The following FSTL5 variants were observed in gnomAD, a reference collection of about 807,000 sequenced individuals.
The protein encoded by FSTL5 is follistatin-related protein 5.
Under a neutral mutation model 89.1 loss-of-function variants are expected in FSTL5, and 62 were observed. That is an observed-to-expected ratio of 0.70 (90% CI 0.57 to 0.86). The LOEUF is 0.86. FSTL5 is among the 40% of genes least tolerant of loss of function. FSTL5 has a pLI of 0.00. For synonymous variants in FSTL5, 383 were observed against 346.2 expected, an observed-to-expected ratio of 1.11 and a Z score of -1.18; for missense variants, 1,057 against 1,001.6, an observed-to-expected ratio of 1.06 and a Z score of -0.75.
intron 12 of FSTL5, among the ~76,000 whole-genome samples, chr4:161,494,621 C>T (rs1730002009): frequency 6.6e-6 from 1 of 152,106 alleles, no homozygotes. Context: ...AGACTGGTAA[C>T]AGTAGTTTAT....
intron 8 of FSTL5, among the ~76,000 whole-genome samples, chr4:161,557,896 AGTTATATAAACTGAACCTTAAG>A: frequency 6.6e-6 from 1 of 151,910 alleles, no homozygotes; most frequent in Admixed American, 6.6e-5. Context: ...TGCTCATATA[AGTTATATAAACTGAACCTTAAG>A]GTTCAGTCAT....
At chr4:161,583,955 T>A (rs913729178) in intron 8 of FSTL5, among the ~76,000 whole-genome samples, 3 of 152,124 alleles carry the variant, frequency 2.0e-5, no homozygotes, top group Non-Finnish European at 4.4e-5. Context: ...CACTCCCTTG[T>A]AAACTTATTT....
chr4:161,499,210 A>G (rs1222188134), intron 12 of FSTL5, among the ~76,000 whole-genome samples: 2 of 152,194 alleles, frequency 1.3e-5, no homozygotes, highest in African/African-American at 4.8e-5. Flanking sequence ...TTAAAATAAA[A>G]TAAAATAAAA....
chr4:161,957,171 T>A (rs1323050176), intron 3 of FSTL5, among the ~76,000 whole-genome samples: 1 of 151,986 alleles, frequency 6.6e-6, no homozygotes. Context: ...AAATACATGG[T>A]TGGGATTTAA....
chr4:161,564,302 A>G (rs1361928423), intron 8 of FSTL5, among the ~76,000 whole-genome samples: 1 of 150,986 alleles, frequency 6.6e-6, no homozygotes, highest in Non-Finnish European at 1.5e-5. Flanking sequence ...ACCTGATCCT[A>G]TAATAAAATA....
intron 1 of FSTL5, among the ~76,000 whole-genome samples, chr4:162,158,912 A>C (rs1733586790): frequency 6.6e-6 from 1 of 152,106 alleles, no homozygotes; most frequent in South Asian, 2.1e-4. Context: ...ATTATGAAGC[A>C]ACAAATGTCT....
At chr4:161,705,774 TA>T (rs142961305) in intron 6 of FSTL5, among the ~76,000 whole-genome samples, 1 of 150,784 alleles carries the variant, frequency 6.6e-6, no homozygotes, top group East Asian at 2.0e-4. Flanking sequence ...TTCATCATTA[TA>T]AAATATTTTA....
intron 3 of FSTL5, among the ~76,000 whole-genome samples, chr4:161,946,624 A>G (rs2110939175): frequency 6.6e-6 from 1 of 152,282 alleles, no homozygotes; most frequent in Non-Finnish European, 1.5e-5. Context: ...GACAACATCA[A>G]TATCTGCTTA....
Position 161,834,991 on chromosome 4 carries a change from C to T in FSTL5, c.410-58917G>A, listed in dbSNP as rs1477467610. On this transcript the variant is annotated intron_variant, in intron 4 of 15. Transcript: ENST00000306100. ...TGACACCAAAAAAGAGCCTGCATCG[C>T]CAAGTCAATCCTAAGCCAAAAGAAC... Among the ~76,000 whole-genome samples, 2 of 145,894 alleles carry T rather than the reference C, an allele frequency of 1.4e-5. 1 individual carries two copies. The highest frequency in any genetic ancestry group is 3.0e-5 in the Non-Finnish European group (2 of 66,678).
intron 6 of FSTL5, among the ~76,000 whole-genome samples, chr4:161,706,815 T>C (rs948277885): frequency 6.6e-6 from 1 of 152,054 alleles, no homozygotes; most frequent in South Asian, 2.1e-4. Flanking sequence ...GATTAGTTAA[T>C]ATCATATTTC....
At chr4:161,614,243 T>A (rs1028700479) in intron 7 of FSTL5, among the ~76,000 whole-genome samples, 1 of 152,166 alleles carries the variant, frequency 6.6e-6, no homozygotes, top group Non-Finnish European at 1.5e-5. Flanking sequence ...GGTTTCTGTA[T>A]GAATTCGGAA....
chr4:161,779,761 ATATATATATATATG>A (rs1188219689), intron 4 of FSTL5, among the ~76,000 whole-genome samples: 1,008 of 9,246 alleles, frequency 0.11, 71 homozygotes, highest in Middle Eastern at 0.2. Flanking sequence ...TTGTAAAGTT[ATATATATATATATG>A]TATATATATA....
chr4:162,094,887 C>G (rs1225883761), intron 2 of FSTL5, among the ~76,000 whole-genome samples: 1 of 151,934 alleles, frequency 6.6e-6, no homozygotes, highest in Admixed American at 6.6e-5. Context: ...TCAATTTTGC[C>G]TCAGAGGAAG....
intron 6 of FSTL5, among the ~76,000 whole-genome samples, chr4:161,740,803 C>T (rs1402914854): frequency 6.6e-6 from 1 of 152,128 alleles, no homozygotes; most frequent in African/African-American, 2.4e-5. Flanking sequence ...GCTGCGGTAA[C>T]AACACACCAT....
chr4:161,985,536 T>G (rs1210903933), intron 3 of FSTL5, among the ~76,000 whole-genome samples: 1 of 151,962 alleles, frequency 6.6e-6, no homozygotes, highest in Admixed American at 6.6e-5. Context: ...ATACAATGTC[T>G]CCAAGTTTCA....
At chr4:162,126,115 T>G (rs1008306087) in intron 1 of FSTL5, among the ~76,000 whole-genome samples, 4 of 152,098 alleles carry the variant, frequency 2.6e-5, no homozygotes, top group African/African-American at 9.6e-5. Context: ...AAATCAATTT[T>G]TATTACAATT....
At chr4:161,930,425 A>G (rs1034089765) in intron 3 of FSTL5, among the ~76,000 whole-genome samples, 2 of 151,960 alleles carry the variant, frequency 1.3e-5, no homozygotes, top group Non-Finnish European at 2.9e-5. Context: ...TTATTTTCTA[A>G]GAATCAACTT....
At chr4:162,049,578 C>G (rs1359711162) in intron 2 of FSTL5, among the ~76,000 whole-genome samples, 1 of 152,120 alleles carries the variant, frequency 6.6e-6, no homozygotes, top group Non-Finnish European at 1.5e-5. Context: ...CTTTGGTTCT[C>G]AACCCTGTAG....
chr4:161,434,381 T>C (rs968391488), intron 15 of FSTL5, among the ~76,000 whole-genome samples: 3 of 152,046 alleles, frequency 2.0e-5, no homozygotes, highest in East Asian at 3.9e-4. Flanking sequence ...TAGACCCCCA[T>C]CTCTTGCCAT....
Sources: allele counts gnomAD v4.1 joint callset (sites outside exome capture counted in the v4.1 genomes callset), GRCh38; gene constraint gnomAD v4.1.1; transcripts MANE v1.5; gene names NCBI Gene and HGNC (gene_info 2026-07-23, HGNC 2026-07-21).